RPN2: variants seen among roughly 807,000 people sequenced by gnomAD.
RPN2 encodes dolichyl-diphosphooligosaccharide--protein glycosyltransferase subunit 2.
Under a neutral mutation model 71.4 loss-of-function variants are expected in RPN2, and 29 were observed. The ratio of observed to expected loss-of-function variants is 0.41; its 90% CI spans 0.30 to 0.55. The LOEUF is 0.55. Ranked by LOEUF, RPN2 falls within the 20% of genes least tolerant of loss-of-function variation. The pLI, the probability that RPN2 is intolerant of heterozygous loss-of-function variation, is 0.35. For missense variants in RPN2, 726 were observed against 774.1 expected (o/e 0.94, Z 0.74); for synonymous variants, 308 against 305.0 (o/e 1.01, Z -0.10).
Position 37,228,976 on chromosome 20 carries a change from A to ACTTAC in RPN2, c.1494+235_1494+236insACCTT, listed in dbSNP as rs10645901. On this transcript the variant is annotated intron_variant, in intron 12 of 16. Transcript: ENST00000237530. ...TATTAAGTGAGTGAAGGAAGTATAAACTTTGTGAGTGCTAGTATCTGTGAA... is the reference window on the plus strand; with the variant it reads ...TATTAAGTGAGTGAAGGAAGTATAAACTTACCTTTGTGAGTGCTAGTATCTGTGAA... 0.82 allele frequency among the ~76,000 whole-genome samples: 124,283 copies of ACTTAC among 151,898 alleles called. 51,540 individuals are homozygous for ACTTAC. Among genetic ancestry groups the ACTTAC allele is most frequent in the Middle Eastern group, 0.93 (272 of 294 alleles).
chr20:37,216,462 A>C (rs570901293), intron 9 of RPN2, among the ~76,000 whole-genome samples: 5 of 150,644 alleles, frequency 3.3e-5, no homozygotes, highest in Admixed American at 6.6e-5. Context: ...TTCTTTTTTT[A>C]TTTTTATTTT....
intron 6 of RPN2, among the ~76,000 whole-genome samples, chr20:37,206,740 T>C (rs1246932326): frequency 6.6e-6 from 1 of 152,066 alleles, no homozygotes; most frequent in Admixed American, 6.6e-5. Context: ...ACAGAGTCTT[T>C]CTCTGTCGCC....
intron 7 of RPN2, 80 bp downstream of exon 7, chr20:37,207,529 C>T: frequency 3.2e-6 from 4 of 1,253,438 alleles, no homozygotes; most frequent in Middle Eastern, 1.9e-4. Flanking sequence ...ACTATGGTCA[C>T]AGCCAATTAC....
intron 2 of RPN2, among the ~76,000 whole-genome samples, chr20:37,189,315 GTGTGTGTA>G (rs368891460): frequency 0.34 from 30,041 of 88,794 alleles, 3,284 homozygotes; most frequent in Middle Eastern, 0.51. Flanking sequence ...GCCAAACTGT[GTGTGTGTA>G]TGTGTGTGTG....
rs2068189683 is a variant in RPN2, at chr20:37,229,851, G to C, written c.1495-122G>C. The C allele has an allele frequency of 3.8e-6, 3 of 780,304 alleles. No homozygotes were observed. The East Asian group carries it at 7.4e-5, about 19-fold the overall frequency. 48.3% of individuals were successfully genotyped at this position (780,304 alleles called of 1,614,324 possible). Reference sequence around the variant, plus strand: ...ATTTGTCAGCTAATGGATCAGAAGTGATTGGGACTGCCTGGAGCTTTTTTC... The same window carrying C: ...ATTTGTCAGCTAATGGATCAGAAGTCATTGGGACTGCCTGGAGCTTTTTTC... On this transcript the variant is annotated intron_variant, in intron 12 of 16. Transcript: ENST00000237530.
chr20:37,207,473 T>G (rs1568978287), intron 7 of RPN2, 24 bp downstream of exon 7: 1 of 1,611,582 alleles, frequency 6.2e-7, no homozygotes, highest in Non-Finnish European at 8.5e-7. Flanking sequence ...GCCCAAAGTG[T>G]GCCCCTCTGA....
At chr20:37,195,511 T>G (rs1179856621) in intron 2 of RPN2, among the ~76,000 whole-genome samples, 6 of 152,224 alleles carry the variant, frequency 3.9e-5, no homozygotes, top group Non-Finnish European at 7.3e-5. Context: ...CAAGTTACTT[T>G]GCCTTTATAA....
At chr20:37,179,753 G>A (rs553510857) in intron 1 of RPN2, among the ~76,000 whole-genome samples, 4 of 152,336 alleles carry the variant, frequency 2.6e-5, no homozygotes, top group African/African-American at 9.6e-5. Context: ...TGGGCAGATT[G>A]TCCTTCTTTG....
rs773226770 is a variant in RPN2 at position 37,184,285 on chromosome 20, C to G, written c.119C>G (p.Ser40Trp). 1 of 1,614,210 alleles carries G rather than the reference C, an allele frequency of 6.2e-7. No individual in the cohort carries two copies. The highest frequency in any genetic ancestry group is 8.5e-7 in the Non-Finnish European group (1 of 1,180,046). The change falls in exon 2 of 17, where the codon TCG (serine) becomes TGG (tryptophan). Residue 40 changes from serine (S) to tryptophan (W), a missense_variant. Coordinates refer to ENST00000237530, the MANE Select transcript of RPN2 (RefSeq NM_002951.5). ...TKHDVERLKASLDRPFTNLES... is the reference protein window; with the variant it reads ...TKHDVERLKAWLDRPFTNLES... ...CATGACGTGGAGAGACTAAAAGCCT[C>G]GCTGGATCGCCCTTTCACAAATTTG... is the stretch of plus-strand genomic sequence containing the variant.
intron 2 of RPN2, among the ~76,000 whole-genome samples, chr20:37,190,686 GTCTAACAAATATT>G (rs2067120025): frequency 6.6e-6 from 1 of 152,088 alleles, no homozygotes; most frequent in African/African-American, 2.4e-5. Flanking sequence ...ACACACGGGT[GTCTAACAAATATT>G]TGAACTGTAG....
chr20:37,213,689 G>A (rs1356889249), intron 8 of RPN2, 71 bp from the exon 9 acceptor site: 2 of 1,171,086 alleles, frequency 1.7e-6, no homozygotes, highest in African/African-American at 1.5e-5. Flanking sequence ...GAGACATTTT[G>A]TAGCTCCTGT....
Position 37,228,836 on chromosome 20 carries a change from C to T in RPN2, c.1494+92C>T, listed in dbSNP as rs550500392. 1.0e-3 allele frequency: 1,250 copies of T among 1,222,590 alleles called. 3 individuals carry two copies. Among genetic ancestry groups the T allele is most frequent in the Non-Finnish European group, 1.4e-3 (1,155 of 839,848 alleles). 75.7% of individuals were successfully genotyped at this position (1,222,590 alleles called of 1,614,324 possible). A position where few individuals can be genotyped will look rare whatever the true frequency, so the allele number is the denominator to read the frequency against. ...TCAGGGGCATGGGGCTCTTCACCTT[C>T]GCCTTGCCTGTGCCTCCTATAAATA... On this transcript the variant is annotated intron_variant, in intron 12 of 16. Coordinates refer to ENST00000237530, the MANE Select transcript of RPN2 (RefSeq NM_002951.5).
At chr20:37,234,951 A>C (rs1175968632) in intron 15 of RPN2, among the ~76,000 whole-genome samples, 4 of 152,118 alleles carry the variant, frequency 2.6e-5, no homozygotes, top group Non-Finnish European at 5.9e-5. Flanking sequence ...GAGTGCTAGG[A>C]TTATAGGTGT....
intron 5 of RPN2, 118 bp downstream of exon 5, chr20:37,204,078 G>A (rs150570025): frequency 0.011 from 8,240 of 750,226 alleles, 68 homozygotes; most frequent in Middle Eastern, 0.023. Context: ...TTATATCCAT[G>A]GCACACTTGT....
intron 14 of RPN2, 49 bp from the exon 15 acceptor site, chr20:37,233,971 C>T (rs762677857): frequency 4.4e-6 from 7 of 1,598,608 alleles, no homozygotes; most frequent in Middle Eastern, 1.6e-4. Flanking sequence ...TGTGTTGCTT[C>T]CCTTTTAAGT....
chr20:37,230,013 C>T lies in RPN2; in HGVS notation c.1535C>T (p.Ser512Leu), dbSNP rs151311325. 568 of 1,614,006 alleles carry T rather than the reference C, an allele frequency of 3.5e-4. 1 individual carries two copies. The highest frequency in any genetic ancestry group is 9.9e-4 in the Middle Eastern group (6 of 6,084). Reference protein sequence around the residue: ...VIKFPEEEAPSTVLSQNLFTP... With the variant: ...VIKFPEEEAPLTVLSQNLFTP... ...AAGTTCCCTGAGGAAGAAGCTCCCTCGACTGTCTTGTCCCAGAACCTTTTC... is the reference window on the plus strand; with the variant it reads ...AAGTTCCCTGAGGAAGAAGCTCCCTTGACTGTCTTGTCCCAGAACCTTTTC... The change falls in exon 13 of 17, where the codon TCG becomes TTG. Residue 512 changes from serine (S) to leucine (L), a missense_variant. By Grantham distance (145) the Ser-to-Leu change is moderately radical. Coordinates refer to ENST00000237530, the MANE Select transcript of RPN2 (RefSeq NM_002951.5).
chr20:37,208,221 G>C (rs1479944527), intron 7 of RPN2, among the ~76,000 whole-genome samples: 1 of 149,822 alleles, frequency 6.7e-6, no homozygotes, highest in East Asian at 2.0e-4. Flanking sequence ...AGTGAGCCGA[G>C]ACTGCACCAC....
chr20:37,189,216 T>G (rs987165877), intron 2 of RPN2, among the ~76,000 whole-genome samples: 8 of 152,208 alleles, frequency 5.3e-5, no homozygotes, highest in Non-Finnish European at 7.4e-5. Flanking sequence ...ATTATAGGTG[T>G]GAGCCACCCC....
In RPN2 at chr20:37,199,060, C is replaced by T. The variant is rs1451321502; in HGVS notation, c.314C>T (p.Ser105Leu). ...CCAATTCTTTCTTAGATCTCTATTT[C>T]AAATGAGACCAAAGATCTGCTTCTG... ...QALSGCEISISNETKDLLLAA... is the reference protein window; with the variant it reads ...QALSGCEISILNETKDLLLAA... The change falls in exon 4 of 17, where the codon TCA (serine) becomes TTA (leucine). Residue 105 changes from serine (S) to leucine (L), a missense_variant. Ser to Leu is a moderately radical substitution (Grantham distance 145, BLOSUM62 -2). Transcript: ENST00000237530. 2 of 1,612,414 alleles carry T rather than the reference C, an allele frequency of 1.2e-6. No individual in the cohort carries two copies. Among genetic ancestry groups the T allele is most frequent in the South Asian group, 1.1e-5 (1 of 91,036 alleles).
Sources: gnomAD v4.1 joint callset for allele counts (sites outside exome capture counted in the v4.1 genomes callset) on GRCh38, gnomAD v4.1.1 for gene constraint, MANE v1.5 for transcripts, NCBI Gene and HGNC (gene_info 2026-07-23, HGNC 2026-07-21) for gene names.